The following VWC2L variants were observed in gnomAD, a reference collection of about 807,000 sequenced individuals.
VWC2L encodes the protein von Willebrand factor C domain-containing protein 2-like.
VWC2L carries 10 observed loss-of-function variants against 21.6 expected under a neutral mutation model. The ratio of observed to expected loss-of-function variants is 0.46; its 90% CI spans 0.29 to 0.78. The LOEUF is 0.78. Ranked by LOEUF, VWC2L falls within the 30% of genes least tolerant of loss-of-function variation. The probability of loss-of-function intolerance (pLI) is 0.10; values close to 1 mark genes in which losing one functional copy is unlikely to be tolerated. For missense variants in VWC2L, 209 were observed against 277.1 expected, an observed-to-expected ratio of 0.75 and a Z score of 1.74; for synonymous variants, 96 against 94.3, an observed-to-expected ratio of 1.02 and a Z score of -0.10.
intron 3 of VWC2L, among the ~76,000 whole-genome samples, chr2:214,437,085 C>A (rs1016420278): frequency 2.0e-5 from 3 of 151,988 alleles, no homozygotes; most frequent in African/African-American, 7.3e-5. Context: ...TTTGTAGAGC[C>A]AATGAAGCAG....
chr2:214,521,858 T>C (rs1394117625), intron 3 of VWC2L, among the ~76,000 whole-genome samples: 2 of 152,150 alleles, frequency 1.3e-5, no homozygotes, highest in African/African-American at 4.8e-5. Flanking sequence ...AGTAGCGACA[T>C]TAGGGAGATA....
At chr2:214,465,489 G>A (rs1336795831) in intron 3 of VWC2L, among the ~76,000 whole-genome samples, 1 of 152,126 alleles carries the variant, frequency 6.6e-6, no homozygotes, top group Non-Finnish European at 1.5e-5. Context: ...ATTCTACTGT[G>A]GTTAAGCTGT....
intron 3 of VWC2L, among the ~76,000 whole-genome samples, chr2:214,468,724 C>A (rs1019449867): frequency 2.0e-5 from 3 of 151,868 alleles, no homozygotes; most frequent in African/African-American, 7.3e-5. Context: ...GAATGGGTAC[C>A]CAGAGATGCA....
In VWC2L at chr2:214,575,814, T is replaced by C. The variant is rs371338321; in HGVS notation, c.663T>C (p.Thr221=). 1.9e-6 allele frequency: 3 copies of C among 1,612,426 alleles called. No homozygotes were observed. Among genetic ancestry groups the C allele is most frequent in the Non-Finnish European group, 2.5e-6 (3 of 1,178,724 alleles). ...CSKRECQGKQ[T]V ...AACGTGAATGCCAAGGCAAGCAGAC[T>C]GTGTAGGACAAACTTCCACCCAATG... The change falls in exon 4 of 4, where the codon ACT becomes ACC. Residue 221 remains threonine (T), a synonymous_variant. Coordinates refer to ENST00000312504, the MANE Select transcript of VWC2L (RefSeq NM_001080500.4).
intron 2 of VWC2L, among the ~76,000 whole-genome samples, chr2:214,427,852 A>G (rs991356319): frequency 1.3e-5 from 2 of 152,216 alleles, no homozygotes; most frequent in African/African-American, 4.8e-5. Flanking sequence ...TGTATTGTTT[A>G]GTAATAATGG....
intron 3 of VWC2L, among the ~76,000 whole-genome samples, chr2:214,494,767 A>T (rs1688789033): frequency 6.7e-6 from 1 of 149,400 alleles, no homozygotes; most frequent in Non-Finnish European, 1.5e-5. Flanking sequence ...TTTTTTTTAT[A>T]GCACTAGGTA....
intron 3 of VWC2L, among the ~76,000 whole-genome samples, chr2:214,484,022 G>A (rs973104040): frequency 2.6e-5 from 4 of 152,216 alleles, no homozygotes; most frequent in African/African-American, 7.2e-5. Flanking sequence ...TCTGGCAATC[G>A]CTGGCAATCT....
At chr2:214,451,315 G>GGC (rs1553586413) in intron 3 of VWC2L, among the ~76,000 whole-genome samples, 2 of 148,192 alleles carry the variant, frequency 1.3e-5, no homozygotes, top group Non-Finnish European at 3.0e-5. Context: ...GTGTGGGGGG[G>GGC]GGGGGCAGTA....
At chr2:214,568,881 T>G (rs1169824942) in intron 3 of VWC2L, among the ~76,000 whole-genome samples, 1 of 152,166 alleles carries the variant, frequency 6.6e-6, no homozygotes, top group Non-Finnish European at 1.5e-5. Context: ...TTAATCCTAT[T>G]GCATGTGACC....
At chr2:214,568,164 T>C (rs61175575) in intron 3 of VWC2L, among the ~76,000 whole-genome samples, 2,716 of 152,332 alleles carry the variant, frequency 0.018, 87 homozygotes, top group African/African-American at 0.061. Flanking sequence ...AAGGAGATCA[T>C]GATAACCACT....
At chr2:214,537,428 A>G (rs1574624461) in intron 3 of VWC2L, among the ~76,000 whole-genome samples, 2 of 146,358 alleles carry the variant, frequency 1.4e-5, no homozygotes, top group African/African-American at 2.6e-5. Flanking sequence ...CAAAAAGACG[A>G]AAAAAAAAAG....
intron 3 of VWC2L, among the ~76,000 whole-genome samples, chr2:214,467,572 A>C (rs1452050843): frequency 6.6e-6 from 1 of 151,966 alleles, no homozygotes; most frequent in East Asian, 1.9e-4. Flanking sequence ...TCATTGTTTT[A>C]TATATATTGA....
intron 3 of VWC2L, among the ~76,000 whole-genome samples, chr2:214,522,366 C>A (rs1689256550): frequency 1.6e-5 from 2 of 126,298 alleles, no homozygotes; most frequent in African/African-American, 2.8e-5. Flanking sequence ...CAGAGCGAGA[C>A]CCCGTCTCAA....
chr2:214,501,499 A>T (rs1232431713), intron 3 of VWC2L, among the ~76,000 whole-genome samples: 1 of 152,060 alleles, frequency 6.6e-6, no homozygotes, highest in East Asian at 1.9e-4. Context: ...GAGGCGGTGA[A>T]TCGCCTGAGG....
intron 3 of VWC2L, among the ~76,000 whole-genome samples, chr2:214,502,215 A>C (rs1160393997): frequency 2.6e-5 from 4 of 152,178 alleles, no homozygotes; most frequent in African/African-American, 9.7e-5. Flanking sequence ...GTTCTCAATA[A>C]ATATCAGTGA....
chr2:214,520,000 A>C (rs1249917947), intron 3 of VWC2L, among the ~76,000 whole-genome samples: 1 of 151,856 alleles, frequency 6.6e-6, no homozygotes, highest in Non-Finnish European at 1.5e-5. Context: ...AAAAATACAT[A>C]ATTCGGAAAT....
intron 3 of VWC2L, among the ~76,000 whole-genome samples, chr2:214,459,289 A>G (rs145485968): frequency 1.3e-5 from 2 of 152,188 alleles, no homozygotes; most frequent in East Asian, 3.9e-4. Flanking sequence ...TTTACTTTCA[A>G]TGTATAAGTG....
At chr2:214,463,947 T>G (rs1203538410) in intron 3 of VWC2L, among the ~76,000 whole-genome samples, 2 of 152,144 alleles carry the variant, frequency 1.3e-5, no homozygotes, top group African/African-American at 4.8e-5. Context: ...TCTGATGCAT[T>G]CTTCAATATG....
chr2:214,499,091 T>C (rs1385662484), intron 3 of VWC2L, among the ~76,000 whole-genome samples: 1 of 137,324 alleles, frequency 7.3e-6, no homozygotes, highest in Non-Finnish European at 1.5e-5. Flanking sequence ...CAATCTCAGC[T>C]CACTGCAACC....
Sources: allele counts gnomAD v4.1 joint callset (sites outside exome capture counted in the v4.1 genomes callset), GRCh38; gene constraint gnomAD v4.1.1; transcripts MANE v1.5; gene names NCBI Gene and HGNC (gene_info 2026-07-23, HGNC 2026-07-21).